EPHA5: variants seen among roughly 807,000 people sequenced by gnomAD.
The protein encoded by EPHA5 is EPH receptor A5, also known as ephrin type-A receptor 5.
EPHA5 carries 60 observed loss-of-function variants against 105.0 expected under a neutral mutation model. That is an observed-to-expected ratio of 0.57 (90% confidence interval 0.46 to 0.71). EPHA5 has a LOEUF of 0.71. Ranked by LOEUF, EPHA5 falls within the 30% of genes least tolerant of loss-of-function variation. EPHA5 has a pLI of 0.00. For missense variants in EPHA5, 1,218 were observed against 1,274.7 expected, an observed-to-expected ratio of 0.96 and a Z score of 0.68; for synonymous variants, 513 against 449.1, an observed-to-expected ratio of 1.14 and a Z score of -1.80.
intron 2 of EPHA5, among the ~76,000 whole-genome samples, chr4:65,631,487 G>A (rs1746627205): frequency 6.6e-6 from 1 of 151,990 alleles, no homozygotes; most frequent in Non-Finnish European, 1.5e-5. Context: ...GAACTTATAA[G>A]TCTATCACAA....
chr4:65,368,016 C>T (rs1338656607), intron 8 of EPHA5, among the ~76,000 whole-genome samples: 1 of 151,974 alleles, frequency 6.6e-6, no homozygotes, highest in East Asian at 1.9e-4. Context: ...CACAAATTTG[C>T]AAGTTTTTGC....
At chr4:65,589,710 G>A (rs983564950) in intron 3 of EPHA5, among the ~76,000 whole-genome samples, 10 of 151,986 alleles carry the variant, frequency 6.6e-5, no homozygotes, top group African/African-American at 1.9e-4. Flanking sequence ...GGTCAGTCTG[G>A]TTCTAAAAAA....
chr4:65,346,486 T>C (rs1466495472), intron 14 of EPHA5, among the ~76,000 whole-genome samples: 1 of 152,120 alleles, frequency 6.6e-6, no homozygotes, highest in East Asian at 1.9e-4. Flanking sequence ...TCAATATTTA[T>C]TCCACCTCAC....
chr4:65,367,680 A>G (rs1347661363), intron 8 of EPHA5, among the ~76,000 whole-genome samples: 1 of 151,734 alleles, frequency 6.6e-6, no homozygotes, highest in Non-Finnish European at 1.5e-5. Flanking sequence ...ACTTCCCCTC[A>G]CCAAATACTG....
intron 12 of EPHA5, among the ~76,000 whole-genome samples, chr4:65,352,280 T>C (rs1050667360): frequency 6.6e-6 from 1 of 152,018 alleles, no homozygotes; most frequent in Admixed American, 6.6e-5. Flanking sequence ...TGGACCATTA[T>C]CAAATTCATT....
intron 11 of EPHA5, among the ~76,000 whole-genome samples, chr4:65,353,835 A>C (rs1182270928): frequency 6.6e-6 from 1 of 151,596 alleles, no homozygotes; most frequent in Non-Finnish European, 1.5e-5. Context: ...CACACTTAAA[A>C]TCTCGATTAA....
chr4:65,670,364 G>A lies in EPHA5; in HGVS notation c.-622C>T, dbSNP rs1750352623. The A allele has an allele frequency of 8.6e-5, 20 of 233,802 alleles. No homozygotes were observed. In the East Asian group the frequency reaches 1.2e-3, roughly 14 times the overall value. The allele number at this position is 233,802 out of a possible 1,614,324, so 14.5% of individuals were successfully genotyped here. A position where few individuals can be genotyped will look rare whatever the true frequency, so the allele number is the denominator to read the frequency against. ...AGGGACTGACGGCTGCCGGCCGGTAGGAGCGCGGAGCTGCGCTGCGGCGGC... is the reference window on the plus strand; with the variant it reads ...AGGGACTGACGGCTGCCGGCCGGTAAGAGCGCGGAGCTGCGCTGCGGCGGC... On this transcript the variant is annotated 5_prime_UTR_variant, in exon 1 of 17. Transcript: ENST00000613740.
intron 6 of EPHA5, among the ~76,000 whole-genome samples, chr4:65,418,787 T>C (rs918907593): frequency 6.7e-6 from 1 of 149,074 alleles, no homozygotes; most frequent in African/African-American, 2.5e-5. Context: ...GTTGAATCAA[T>C]GAATGAAAGA....
chr4:65,580,664 G>T (rs188208535), intron 3 of EPHA5, among the ~76,000 whole-genome samples: 1 of 151,820 alleles, frequency 6.6e-6, no homozygotes, highest in African/African-American at 2.4e-5. Context: ...ACTAAAATTA[G>T]GACTTAAATT....
intron 16 of EPHA5, among the ~76,000 whole-genome samples, chr4:65,325,478 G>C (rs1402114707): frequency 6.6e-6 from 1 of 150,788 alleles, no homozygotes; most frequent in Non-Finnish European, 1.5e-5. Flanking sequence ...CCAAAAAAAT[G>C]CTATTGATAT....
At chr4:65,329,206 C>T (rs1720367493) in intron 16 of EPHA5, among the ~76,000 whole-genome samples, 1 of 151,284 alleles carries the variant, frequency 6.6e-6, no homozygotes, top group Non-Finnish European at 1.5e-5. Flanking sequence ...ACCATTACTG[C>T]CACAATTGTT....
intron 3 of EPHA5, among the ~76,000 whole-genome samples, chr4:65,597,690 T>G (rs1743320347): frequency 6.6e-6 from 1 of 152,218 alleles, no homozygotes; most frequent in South Asian, 2.1e-4. Flanking sequence ...ACACTATATT[T>G]TAAGTTCATA....
chr4:65,661,541 T>A (rs978553490), intron 1 of EPHA5, among the ~76,000 whole-genome samples: 3 of 152,142 alleles, frequency 2.0e-5, no homozygotes. Flanking sequence ...AGTATGGCAT[T>A]ACTACACTGA....
intron 16 of EPHA5, chr4:65,331,411 C>A: frequency 1.9e-6 from 2 of 1,045,476 alleles, no homozygotes; most frequent in Non-Finnish European, 2.3e-6. Flanking sequence ...ATTGGTTCCA[C>A]TGAGATTGTA....
intron 2 of EPHA5, among the ~76,000 whole-genome samples, chr4:65,626,992 C>CA (rs2149485168): frequency 6.6e-6 from 1 of 152,294 alleles, no homozygotes; most frequent in Admixed American, 6.5e-5. Flanking sequence ...GAATGTGGAA[C>CA]ATGCCTGATC....
chr4:65,387,525 A>G (rs1267801003), intron 8 of EPHA5, among the ~76,000 whole-genome samples: 4 of 151,984 alleles, frequency 2.6e-5, no homozygotes, highest in Admixed American at 2.6e-4. Flanking sequence ...AAGCAACAGT[A>G]TACACTAGCA....
At chr4:65,661,283 T>A (rs1749538358) in intron 1 of EPHA5, among the ~76,000 whole-genome samples, 1 of 152,158 alleles carries the variant, frequency 6.6e-6, no homozygotes, top group Non-Finnish European at 1.5e-5. Flanking sequence ...TTGTTGTTGT[T>A]GATCTGTCTG....
intron 2 of EPHA5, among the ~76,000 whole-genome samples, chr4:65,606,252 A>G (rs1013292331): frequency 6.6e-6 from 1 of 152,174 alleles, no homozygotes; most frequent in African/African-American, 2.4e-5. Context: ...CGTCAACTGT[A>G]TCTTAGAGTC....
intron 10 of EPHA5, among the ~76,000 whole-genome samples, chr4:65,365,659 A>G (rs1320814430): frequency 4.9e-5 from 4 of 81,096 alleles, no homozygotes; most frequent in African/African-American, 1.8e-4. Context: ...CTATATATAT[A>G]TATATATATA....
Sources: gnomAD v4.1 joint callset for allele counts (sites outside exome capture counted in the v4.1 genomes callset) on GRCh38, gnomAD v4.1.1 for gene constraint, MANE v1.5 for transcripts, NCBI Gene and HGNC (gene_info 2026-07-23, HGNC 2026-07-21) for gene names.